CNTN6: variants seen among roughly 807,000 people sequenced by gnomAD.
CNTN6 encodes contactin-6.
In CNTN6, 137 loss-of-function variants were observed where a neutral mutation model predicts 122.8. That is an observed-to-expected ratio of 1.12 (90% CI 0.97 to 1.29). The LOEUF is 1.29. Among genes scored for constraint, CNTN6 ranks in the 50% most tolerant of loss-of-function variants. The probability of loss-of-function intolerance (pLI) is 0.00; values close to 1 mark genes in which losing one functional copy is unlikely to be tolerated. For missense variants in CNTN6, 1,634 were observed against 1,223.4 expected (o/e 1.34, Z -5.01); for synonymous variants, 570 against 426.0 (o/e 1.34, Z -4.16).
At chr3:1,115,845 A>T (rs2091699033) in intron 1 of CNTN6, among the ~76,000 whole-genome samples, 1 of 152,234 alleles carries the variant, frequency 6.6e-6, no homozygotes, top group South Asian at 2.1e-4. Context: ...GACTCACAAC[A>T]AACAAAAAAG....
intron 4 of CNTN6, among the ~76,000 whole-genome samples, chr3:1,243,927 A>T (rs1575391617): frequency 6.6e-6 from 1 of 152,112 alleles, no homozygotes; most frequent in Admixed American, 6.5e-5. Flanking sequence ...GACAGGCGGG[A>T]GGGAAAGAAG....
In CNTN6 at chr3:1,372,941, A is replaced by G; in HGVS notation, c.1772A>G (p.Asp591Gly). Residue 591 changes from aspartate (D) to glycine (G), a missense_variant, in exon 14 of 23, where the codon GAT (aspartate) becomes GGT (glycine). By Grantham distance (94) the Asp-to-Gly change is moderately conservative. Transcript: ENST00000446702. ...TTLESLSAVA[D>G]IIVRGPPGPP... is the part of the protein sequence containing the mutation. ...CTAGAAAGTTTATCTGCAGTAGCCG[A>G]TATCATTGTTAGAGGTAAGCATAAA... The G allele has an allele frequency of 6.3e-7, 1 of 1,577,570 alleles. No individual in the cohort carries two copies. Among genetic ancestry groups the G allele is most frequent in the Non-Finnish European group, 8.7e-7 (1 of 1,150,916 alleles).
At chr3:1,402,637 A>AAGTT in intron 22 of CNTN6, 151 bp downstream of exon 22, 1 of 593,064 alleles carries the variant, frequency 1.7e-6, no homozygotes, top group East Asian at 2.9e-5. Context: ...CCATTTTTTT[A>AAGTT]AGTTATTCTC....
At chr3:1,187,193 G>A (rs896225388) in intron 2 of CNTN6, among the ~76,000 whole-genome samples, 4 of 152,028 alleles carry the variant, frequency 2.6e-5, no homozygotes, top group African/African-American at 9.7e-5. Flanking sequence ...ACCTTCCTTT[G>A]GGAGGCAAGC....
chr3:1,160,662 TAAAA>T (rs34452868), intron 2 of CNTN6, among the ~76,000 whole-genome samples: 35 of 136,254 alleles, frequency 2.6e-4, no homozygotes, highest in African/African-American at 8.0e-4. Context: ...TAAATGTACG[TAAAA>T]AAAAAAAAAA....
intron 11 of CNTN6, among the ~76,000 whole-genome samples, chr3:1,344,092 T>G (rs1435594328): frequency 6.6e-6 from 1 of 152,146 alleles, no homozygotes; most frequent in African/African-American, 2.4e-5. Flanking sequence ...TGAATCTCCC[T>G]GCATCTCAGT....
intron 4 of CNTN6, among the ~76,000 whole-genome samples, chr3:1,277,340 G>T (rs1692553721): frequency 2.1e-5 from 2 of 94,344 alleles, no homozygotes; most frequent in African/African-American, 3.5e-5. Context: ...TCTTTTAGTA[G>T]GTTTTCTTTT....
At position 1,245,311 on chromosome 3, in the gene CNTN6, T is replaced by C. The variant is rs1330675278; in HGVS notation, c.358+17318T>C. ...TATATATAACATATATATATATATATATATATATATATATATATATATATA... is the reference window on the plus strand; with the variant it reads ...TATATATAACATATATATATATATACATATATATATATATATATATATATA... On this transcript the variant is annotated intron_variant, in intron 4 of 22. Coordinates refer to ENST00000446702, the MANE Select transcript of CNTN6 (RefSeq NM_001289080.2). Among the ~76,000 whole-genome samples, 46 of 17,574 alleles carry C rather than the reference T, an allele frequency of 2.6e-3. 4 individuals are homozygous for C. Among genetic ancestry groups the C allele is most frequent in the Non-Finnish European group, 3.2e-3 (30 of 9,414 alleles). The allele number at this position is 17,574 out of a possible 152,430, so 11.5% of individuals were successfully genotyped here.
intron 7 of CNTN6, among the ~76,000 whole-genome samples, chr3:1,315,120 T>C (rs1369847063): frequency 6.6e-6 from 1 of 152,030 alleles, no homozygotes; most frequent in African/African-American, 2.4e-5. Flanking sequence ...CTCTGTAACA[T>C]CAGTTTCAAG....
chr3:1,202,342 C>T (rs139332961), intron 2 of CNTN6, among the ~76,000 whole-genome samples: 1,644 of 152,074 alleles, frequency 0.011, 22 homozygotes, highest in African/African-American at 0.035. Context: ...ATATCAAGAC[C>T]ATCCTGGCTA....
intron 11 of CNTN6, among the ~76,000 whole-genome samples, chr3:1,334,525 C>T (rs1702772968): frequency 6.6e-6 from 1 of 152,010 alleles, no homozygotes; most frequent in Non-Finnish European, 1.5e-5. Flanking sequence ...AGAACCTTAG[C>T]CCAAGGGGTT....
chr3:1,217,262 G>A (rs946867132), intron 2 of CNTN6, among the ~76,000 whole-genome samples: 6 of 152,076 alleles, frequency 3.9e-5, no homozygotes, highest in Admixed American at 6.5e-5. Flanking sequence ...GTTCTCTAGT[G>A]CTGTGGTTGG....
At chr3:1,351,553 GTTT>G (rs5846109) in intron 11 of CNTN6, among the ~76,000 whole-genome samples, 2 of 138,548 alleles carry the variant, frequency 1.4e-5, no homozygotes, top group South Asian at 2.2e-4. Flanking sequence ...AAATCTCAGG[GTTT>G]TTTTTTTTTT....
In CNTN6 at chr3:1,369,119, A is replaced by T. The variant is rs555721431; in HGVS notation, c.1493-3180A>T. The stretch of plus-strand genomic sequence containing the variant: ...TCTCTGTGAACGCTCTTGCCTGCGC[A>T]GGAAATCTAGTTTCCTCTCTCTACC... On this transcript the variant is annotated intron_variant, in intron 12 of 22. Transcript: ENST00000446702. Among the ~76,000 whole-genome samples the T allele has an allele frequency of 2.6e-5, 4 of 152,308 alleles. No individual in the cohort carries two copies. The South Asian group carries it at 8.3e-4, about 32-fold the overall frequency.
rs866672603 is a variant in CNTN6 at position 1,205,265 on chromosome 3, C to T, written c.56-15422C>T. ...ATCTTGATTTGAGCTCACTGAGACC[C>T]ATTTTGGAATTCAAACCTACAGAAC... On this transcript the variant is annotated intron_variant, in intron 2 of 22. Transcript: ENST00000446702. 8.7e-4 allele frequency among the ~76,000 whole-genome samples: 133 copies of T among 152,208 alleles called. 4 individuals are homozygous for T. The highest frequency in any genetic ancestry group is 3.1e-3 in the African/African-American group (129 of 41,534).
intron 20 of CNTN6, among the ~76,000 whole-genome samples, chr3:1,388,536 A>C (rs1332752157): frequency 6.6e-6 from 1 of 151,340 alleles, no homozygotes; most frequent in African/African-American, 2.4e-5. Flanking sequence ...GCAGTTCCTC[A>C]CCAGCAACGG....
chr3:1,133,127 A>C (rs953302466), intron 1 of CNTN6, among the ~76,000 whole-genome samples: 3 of 152,172 alleles, frequency 2.0e-5, no homozygotes, highest in Non-Finnish European at 4.4e-5. Context: ...TATTTTGTTT[A>C]TTCATTAAAG....
chr3:1,143,288 A>T (rs1385933709), intron 1 of CNTN6, among the ~76,000 whole-genome samples: 1 of 152,086 alleles, frequency 6.6e-6, no homozygotes, highest in Non-Finnish European at 1.5e-5. Flanking sequence ...GTACTGAGCA[A>T]TTTCATGCAA....
chr3:1,115,177 C>T (rs899586980), intron 1 of CNTN6, among the ~76,000 whole-genome samples: 1 of 152,134 alleles, frequency 6.6e-6, no homozygotes, highest in Non-Finnish European at 1.5e-5. Flanking sequence ...CACATAGGCT[C>T]TTAAATACCC....
Sources: gnomAD v4.1 joint callset for allele counts (sites outside exome capture counted in the v4.1 genomes callset) on GRCh38, gnomAD v4.1.1 for gene constraint, MANE v1.5 for transcripts, NCBI Gene and HGNC (gene_info 2026-07-23, HGNC 2026-07-21) for gene names.